SYNDIG1: variants seen among roughly 807,000 people sequenced by gnomAD.
SYNDIG1 encodes the protein synapse differentiation-inducing gene protein 1.
A neutral mutation model predicts 19.4 loss-of-function variants in SYNDIG1; 9 were observed. The ratio of observed to expected loss-of-function variants is 0.46; its 90% CI spans 0.28 to 0.81. SYNDIG1 has a LOEUF of 0.81. Ranked by LOEUF, SYNDIG1 falls within the 30% of genes least tolerant of loss-of-function variation. SYNDIG1 has a pLI of 0.12. For missense variants in SYNDIG1, 311 were observed against 343.3 expected (o/e 0.91, Z 0.74); for synonymous variants, 141 against 145.9 (o/e 0.97, Z 0.24).
chr20:24,640,179 C>A (rs2059357640), intron 3 of SYNDIG1, among the ~76,000 whole-genome samples: 1 of 151,810 alleles, frequency 6.6e-6, no homozygotes, highest in Admixed American at 6.6e-5. Context: ...ACAAAAAACA[C>A]AAAAAATAGC....
intron 3 of SYNDIG1, among the ~76,000 whole-genome samples, chr20:24,626,880 C>A (rs2059149439): frequency 6.6e-6 from 1 of 152,250 alleles, no homozygotes. Context: ...TGGAGACCAG[C>A]CCGGCCATCA....
At chr20:24,578,812 C>T (rs953134627) in intron 2 of SYNDIG1, among the ~76,000 whole-genome samples, 6 of 152,190 alleles carry the variant, frequency 3.9e-5, no homozygotes, top group African/African-American at 1.4e-4. Context: ...GCTGTGAGCG[C>T]AAGGTCAGAG....
At chr20:24,610,523 G>C (rs988751945) in intron 3 of SYNDIG1, among the ~76,000 whole-genome samples, 3 of 152,208 alleles carry the variant, frequency 2.0e-5, no homozygotes, top group African/African-American at 7.2e-5. Context: ...GGGTTCCTGA[G>C]TCACACACAC....
intron 3 of SYNDIG1, among the ~76,000 whole-genome samples, chr20:24,653,209 CA>C (rs1396178559): frequency 6.6e-6 from 1 of 152,120 alleles, no homozygotes; most frequent in Non-Finnish European, 1.5e-5. Context: ...ACAGAGATGT[CA>C]GCACGTTTTG....
chr20:24,521,913 A>AT (rs1274595515), intron 1 of SYNDIG1, among the ~76,000 whole-genome samples: 15 of 151,718 alleles, frequency 9.9e-5, no homozygotes, highest in Middle Eastern at 3.4e-3. Context: ...AAAAAAAAAA[A>AT]AATTAAGTAA....
At position 24,497,533 on chromosome 20, in the gene SYNDIG1, A is replaced by G. The variant is rs139962546; in HGVS notation, c.-79+27780A>G. On this transcript the variant is annotated intron_variant, in intron 1 of 3. Coordinates refer to ENST00000376862, the MANE Select transcript of SYNDIG1 (RefSeq NM_024893.3). ...CTCTTAATTTAGTATTTTCTTTTAAATCACAAATGGGCTTCTTAGATTTCA... is the reference window on the plus strand; with the variant it reads ...CTCTTAATTTAGTATTTTCTTTTAAGTCACAAATGGGCTTCTTAGATTTCA... 7.1e-3 allele frequency among the ~76,000 whole-genome samples: 1,080 copies of G among 152,278 alleles called. 13 individuals carry two copies. Among genetic ancestry groups the G allele is most frequent in the African/African-American group, 0.023 (949 of 41,546 alleles).
intron 3 of SYNDIG1, among the ~76,000 whole-genome samples, chr20:24,635,308 C>T (rs1230152426): frequency 6.6e-6 from 1 of 152,218 alleles, no homozygotes; most frequent in Admixed American, 6.5e-5. Context: ...ATTTCTACAC[C>T]TATCTCCTCA....
At chr20:24,530,088 G>C (rs1266503767) in intron 1 of SYNDIG1, among the ~76,000 whole-genome samples, 1 of 142,150 alleles carries the variant, frequency 7.0e-6, no homozygotes, top group Non-Finnish European at 1.5e-5. Context: ...AGTGTCACAG[G>C]GGAAGAAGCT....
chr20:24,571,425 C>G (rs1042851863), intron 2 of SYNDIG1, among the ~76,000 whole-genome samples: 1 of 152,154 alleles, frequency 6.6e-6, no homozygotes, highest in Non-Finnish European at 1.5e-5. Flanking sequence ...TACAGGAACT[C>G]TGTTCTATTT....
At chr20:24,496,275 G>C (rs2146343889) in intron 1 of SYNDIG1, among the ~76,000 whole-genome samples, 1 of 152,322 alleles carries the variant, frequency 6.6e-6, no homozygotes, top group Non-Finnish European at 1.5e-5. Flanking sequence ...CTGTGGTGCT[G>C]ATGGGACCGC....
intron 3 of SYNDIG1, among the ~76,000 whole-genome samples, chr20:24,595,667 A>G (rs2058583548): frequency 6.6e-6 from 1 of 152,064 alleles, no homozygotes; most frequent in South Asian, 2.1e-4. Flanking sequence ...TCAGTTTTGG[A>G]ACTCATTATT....
At chr20:24,573,522 G>A (rs1287410457) in intron 2 of SYNDIG1, among the ~76,000 whole-genome samples, 1 of 152,184 alleles carries the variant, frequency 6.6e-6, no homozygotes, top group Non-Finnish European at 1.5e-5. Context: ...AAAAACATAC[G>A]AGAATGAAAA....
intron 2 of SYNDIG1, among the ~76,000 whole-genome samples, chr20:24,566,911 G>A (rs6138324): frequency 6.6e-6 from 1 of 152,194 alleles, no homozygotes; most frequent in Non-Finnish European, 1.5e-5. Context: ...CCTAGTTGAA[G>A]GTCCAAATGC....
chr20:24,610,515 G>A (rs1453590998), intron 3 of SYNDIG1, among the ~76,000 whole-genome samples: 1 of 152,152 alleles, frequency 6.6e-6, no homozygotes, highest in East Asian at 1.9e-4. Context: ...CCACAGCAGG[G>A]TTCCTGAGTC....
At chr20:24,591,995 G>C (rs1206966404) in intron 3 of SYNDIG1, among the ~76,000 whole-genome samples, 1 of 152,216 alleles carries the variant, frequency 6.6e-6, no homozygotes, top group Non-Finnish European at 1.5e-5. Flanking sequence ...AGCCCTGCTT[G>C]CAGCTCCCAG....
At chr20:24,471,394 G>A (rs1236043417) in intron 1 of SYNDIG1, among the ~76,000 whole-genome samples, 2 of 151,968 alleles carry the variant, frequency 1.3e-5, no homozygotes, top group African/African-American at 4.8e-5. Context: ...TGGCGGTGGT[G>A]TGGCCCGTTC....
At chr20:24,507,110 T>TCGTCATC (rs2056612431) in intron 1 of SYNDIG1, among the ~76,000 whole-genome samples, 1 of 152,148 alleles carries the variant, frequency 6.6e-6, no homozygotes, top group African/African-American at 2.4e-5. Flanking sequence ...AACACACACT[T>TCGTCATC]CGTCATCAGC....
At chr20:24,635,929 C>T (rs181889631) in intron 3 of SYNDIG1, among the ~76,000 whole-genome samples, 4 of 152,296 alleles carry the variant, frequency 2.6e-5, no homozygotes, top group African/African-American at 7.2e-5. Flanking sequence ...CTTTCTGTAT[C>T]TCAATGTTTT....
chr20:24,626,980 G>A (rs1222983496), intron 3 of SYNDIG1, among the ~76,000 whole-genome samples: 1 of 152,210 alleles, frequency 6.6e-6, no homozygotes, highest in Non-Finnish European at 1.5e-5. Flanking sequence ...GCAGGCTGAG[G>A]CAGGAGAATC....
Sources: allele counts gnomAD v4.1 joint callset (sites outside exome capture counted in the v4.1 genomes callset), GRCh38; gene constraint gnomAD v4.1.1; transcripts MANE v1.5; gene names NCBI Gene and HGNC (gene_info 2026-07-23, HGNC 2026-07-21).